The following CHD1L variants were observed in gnomAD, a reference collection of about 807,000 sequenced individuals.
The protein encoded by CHD1L is ATP-dependent chromatin remodeler CHD1L.
In CHD1L, 118 loss-of-function variants were observed where a neutral mutation model predicts 115.9. The observed-to-expected ratio is 1.02, with a 90% CI of 0.88 to 1.19. The LOEUF is 1.19. CHD1L is among the 50% of genes most tolerant of loss of function. The probability of loss-of-function intolerance (pLI) is 0.00; values close to 1 mark genes in which losing one functional copy is unlikely to be tolerated. For synonymous variants in CHD1L, 411 were observed against 387.1 expected (o/e 1.06, Z -0.72); for missense variants, 1,179 against 1,065.3 (o/e 1.11, Z -1.49).
Position 147,267,455 on chromosome 1 carries a change from G to A in CHD1L, c.925G>A (p.Val309Ile). The change falls in exon 9 of 23, where the codon GTT becomes ATT. Residue 309 changes from valine (V) to isoleucine (I), a missense_variant. Physicochemically the swap from Val to Ile is conservative, Grantham distance 29 (BLOSUM62 3). Coordinates refer to ENST00000369258, the MANE Select transcript of CHD1L (RefSeq NM_004284.6). ...ATTTGAAAATGAGACGGCAAAGAAA[G>A]TTAAACTACAGAACATTTTGTCCCA... Reference protein sequence around the residue: ...DAFENETAKKVKLQNILSQLR... With the variant: ...DAFENETAKKIKLQNILSQLR... 6.2e-7 allele frequency: 1 copy of A among 1,612,820 alleles called. No homozygotes were observed.
At chr1:147,209,895 C>T in the CHD1L span, 11 of 152,138 alleles carry the variant, frequency 7.2e-5, no homozygotes, top group Non-Finnish European at 1.0e-4. Context: ...TACAAAAACC[C>T]CTGCTATTTA....
upstream of CHD1L, among the ~76,000 whole-genome samples, chr1:147,241,943 T>C (rs1664941679): frequency 6.6e-6 from 1 of 152,160 alleles, no homozygotes; most frequent in Admixed American, 6.5e-5. Context: ...ATTGTGAAGG[T>C]TAAATAAGAA....
chr1:147,271,031 C>T (rs1490908963), intron 11 of CHD1L, 26 bp downstream of exon 11: 2 of 1,577,578 alleles, frequency 1.3e-6, no homozygotes, highest in South Asian at 1.1e-5. Context: ...CACTACATTA[C>T]CTAAGGCTCT....
upstream of CHD1L, among the ~76,000 whole-genome samples, chr1:147,242,360 CAT>C (rs1431241875): frequency 1.3e-5 from 2 of 152,206 alleles, no homozygotes; most frequent in Non-Finnish European, 2.9e-5. Flanking sequence ...GTGTCTGACA[CAT>C]GATAGTCGAT....
the CHD1L span, among the ~76,000 whole-genome samples, chr1:147,188,580 T>G: frequency 6.7e-6 from 1 of 149,374 alleles, no homozygotes; most frequent in East Asian, 2.0e-4. Context: ...ACAAAAGAGG[T>G]TCACTAGCTC....
chr1:147,178,822 C>T, the CHD1L span: 1 of 1,603,046 alleles, frequency 6.2e-7, no homozygotes, highest in Non-Finnish European at 8.5e-7. Flanking sequence ...AAAGTTTATC[C>T]AGGAAAACAT....
chr1:147,179,517 G>A, the CHD1L span: 1 of 1,578,764 alleles, frequency 6.3e-7, no homozygotes, highest in Non-Finnish European at 8.7e-7. Flanking sequence ...GAAATATGAA[G>A]GTGGCCATGA....
At chr1:147,249,530 C>T (rs752326055) in intron 1 of CHD1L, among the ~76,000 whole-genome samples, 2 of 151,360 alleles carry the variant, frequency 1.3e-5, no homozygotes, top group Non-Finnish European at 2.9e-5. Context: ...CTCAGCCTCC[C>T]GAGTAGCTGG....
chr1:147,179,285 A>G, the CHD1L span: 3 of 1,608,624 alleles, frequency 1.9e-6, no homozygotes, highest in Admixed American at 1.7e-5. Context: ...GAAATAGTGA[A>G]TAATGAAAAT....
At position 147,264,521 on chromosome 1, in the gene CHD1L, T is replaced by C. The variant is rs781826569; in HGVS notation, c.676T>C (p.Ser226Pro). ...LLSFVEPDLF[S>P]KEEVGDFIQR... ...CAGTTTTGTGGAGCCTGATCTCTTT[T>C]CCAAGGAAGAGGTGGGAGATTTTAT... The change falls in exon 7 of 23, where the codon TCC becomes CCC. Residue 226 changes from serine (S) to proline (P), a missense_variant. Coordinates refer to ENST00000369258, the MANE Select transcript of CHD1L (RefSeq NM_004284.6). The C allele has an allele frequency of 7.4e-6, 12 of 1,614,052 alleles. No homozygotes were observed. The highest frequency in any genetic ancestry group is 3.3e-5 in the Admixed American group (2 of 60,006).
chr1:147,280,469 TCTCCCTTGGTTGCAAACATC>T (rs1680410044), intron 15 of CHD1L, among the ~76,000 whole-genome samples: 1 of 152,220 alleles, frequency 6.6e-6, no homozygotes, highest in Non-Finnish European at 1.5e-5. Flanking sequence ...TTGTACCTTT[TCTCCCTTGGTTGCAAACATC>T]TTCTTCTTTA....
In CHD1L at chr1:147,272,189, T is replaced by G; in HGVS notation, c.1178T>G (p.Val393Gly). The G allele has an allele frequency of 6.2e-7, 1 of 1,613,998 alleles. No individual in the cohort carries two copies. The highest frequency in any genetic ancestry group is 8.5e-7 in the Non-Finnish European group (1 of 1,179,890). The change falls in exon 12 of 23, where the codon GTG (valine) becomes GGG (glycine). Residue 393 changes from valine (V) to glycine (G), a missense_variant. Physicochemically the swap from Val to Gly is moderately radical, Grantham distance 109. Coordinates refer to ENST00000369258, the MANE Select transcript of CHD1L (RefSeq NM_004284.6). ...MDYRGYSYER[V>G]DGSVRGEERH... ...TGTAAAGGCTACAGCTATGAGCGTGTGGATGGTTCTGTGAGAGGAGAAGAG... is the reference window on the plus strand; with the variant it reads ...TGTAAAGGCTACAGCTATGAGCGTGGGGATGGTTCTGTGAGAGGAGAAGAG...
the CHD1L span, chr1:147,213,316 C>G: frequency 6.2e-7 from 1 of 1,606,292 alleles, no homozygotes; most frequent in Non-Finnish European, 8.5e-7. Context: ...ACCAGGGAAG[C>G]TTTCCAGAGG....
intron 16 of CHD1L, 140 bp from the exon 17 acceptor site, chr1:147,285,184 T>C: frequency 1.0e-6 from 1 of 957,968 alleles, no homozygotes; most frequent in Non-Finnish European, 1.6e-6. Context: ...TTGCCTCCAG[T>C]TCCCACCATG....
At chr1:147,276,374 C>A in intron 14 of CHD1L, 117 bp downstream of exon 14, 1 of 1,057,278 alleles carries the variant, frequency 9.5e-7, no homozygotes, top group Non-Finnish European at 1.4e-6. Context: ...TGTTCCTTGG[C>A]CTCCCTCACA....
the CHD1L span, among the ~76,000 whole-genome samples, chr1:147,196,827 T>A: frequency 6.6e-6 from 1 of 152,138 alleles, no homozygotes; most frequent in Admixed American, 6.5e-5. Context: ...TTCTCCAACA[T>A]GCTTTCTGTC....
At chr1:147,203,565 A>G in the CHD1L span, 3 of 988,116 alleles carry the variant, frequency 3.0e-6, no homozygotes, top group South Asian at 1.3e-5. Flanking sequence ...AGTTTTCTCC[A>G]GAGTATTTCT....
chr1:147,173,364 CTG>C, the CHD1L span: 3 of 152,296 alleles, frequency 2.0e-5, no homozygotes, highest in African/African-American at 7.2e-5. Flanking sequence ...TTCAGCCCGA[CTG>C]GGGTCGCAGG....
chr1:147,204,958 G>A, the CHD1L span: 20 of 1,409,480 alleles, frequency 1.4e-5, no homozygotes, highest in African/African-American at 2.4e-4. Context: ...AGCCGTTCAC[G>A]TGACCGCTCA....
Sources: gnomAD v4.1 joint callset for allele counts (sites outside exome capture counted in the v4.1 genomes callset) on GRCh38, gnomAD v4.1.1 for gene constraint, MANE v1.5 for transcripts, NCBI Gene and HGNC (gene_info 2026-07-23, HGNC 2026-07-21) for gene names.